Variants in REPS1 observed in about 807,000 individuals in gnomAD.
REPS1 encodes RALBP1 associated Eps domain containing 1.
Under a neutral mutation model 100.9 loss-of-function variants are expected in REPS1, and 39 were observed. The observed-to-expected ratio is 0.39, with a 90% CI of 0.30 to 0.50. The LOEUF is 0.50. REPS1 is among the 20% of genes least tolerant of loss of function. The pLI is 0.86. For synonymous variants in REPS1, 324 were observed against 340.3 expected (o/e 0.95, Z 0.53); for missense variants, 821 against 968.5 (o/e 0.85, Z 2.02).
chr6:138,904,755 C>A lies in REPS1; in HGVS notation c.*309G>T. Reference sequence around the variant, plus strand: ...TGTGACTGAGATGTAAATGAGGAGCCCATTCTATAAATTAAATTGGTGTGT... The same window carrying A: ...TGTGACTGAGATGTAAATGAGGAGCACATTCTATAAATTAAATTGGTGTGT... On this transcript the variant is annotated 3_prime_UTR_variant, in exon 20 of 20. Coordinates refer to ENST00000450536, the MANE Select transcript of REPS1 (RefSeq NM_001286611.2). The A allele has an allele frequency of 5.0e-6, 1 of 200,592 alleles. No individual in the cohort carries two copies. The allele number at this position is 200,592 out of a possible 1,614,324, so 12.4% of individuals were successfully genotyped here.
At chr6:138,947,035 GCTCTCTCTCTCTCTCT>G (rs10581264) in intron 2 of REPS1, among the ~76,000 whole-genome samples, 7 of 137,716 alleles carry the variant, frequency 5.1e-5, no homozygotes, top group South Asian at 2.6e-4. Flanking sequence ...ATTCCCCCTT[GCTCTCTCTCTCTCTCT>G]CTCTCTCTCT....
At chr6:138,971,602 G>A (rs757200362) in intron 1 of REPS1, among the ~76,000 whole-genome samples, 44 of 152,130 alleles carry the variant, frequency 2.9e-4, no homozygotes, top group Non-Finnish European at 6.2e-4. Flanking sequence ...AAAAAAAGTG[G>A]GGGTAGGTAA....
chr6:138,980,150 C>T (rs939771244), intron 1 of REPS1, among the ~76,000 whole-genome samples: 30 of 152,140 alleles, frequency 2.0e-4, no homozygotes, highest in Non-Finnish European at 5.9e-5. Flanking sequence ...TTTATGCCTT[C>T]GTATTTCTAC....
intron 7 of REPS1, among the ~76,000 whole-genome samples, chr6:138,941,907 C>T (rs1782280228): frequency 6.6e-6 from 1 of 152,146 alleles, no homozygotes; most frequent in African/African-American, 2.4e-5. Context: ...GAGATGGAAT[C>T]TCGCTCTGTC....
intron 8 of REPS1, among the ~76,000 whole-genome samples, chr6:138,940,297 T>C (rs1271759549): frequency 6.6e-6 from 1 of 152,236 alleles, no homozygotes; most frequent in Admixed American, 6.5e-5. Context: ...ATTCTTTCCA[T>C]CATCATATAC....
chr6:138,960,597 T>C (rs1222073939), intron 1 of REPS1, among the ~76,000 whole-genome samples: 3 of 152,198 alleles, frequency 2.0e-5, no homozygotes, highest in Non-Finnish European at 4.4e-5. Context: ...GCCTTTGTAT[T>C]CAATTTATTG....
intron 8 of REPS1, among the ~76,000 whole-genome samples, chr6:138,940,395 AT>A (rs1188700991): frequency 3.3e-5 from 5 of 152,310 alleles, no homozygotes; most frequent in African/African-American, 1.2e-4. Flanking sequence ...CCTTTTATTC[AT>A]TCAGAATTTA....
chr6:138,912,174 C>G (rs1251081733), intron 16 of REPS1, among the ~76,000 whole-genome samples: 1 of 152,190 alleles, frequency 6.6e-6, no homozygotes, highest in Non-Finnish European at 1.5e-5. Flanking sequence ...CACATTTATG[C>G]TCAGCAATTT....
rs566939233 is a variant in REPS1, at chr6:138,914,997, T to A, written c.1721-236A>T. On this transcript the variant is annotated intron_variant, in intron 14 of 19. Transcript: ENST00000450536. The stretch of plus-strand genomic sequence containing the variant: ...TCTATTACATGAAGCCCTCCTGGCA[T>A]ACTCCTGCCTATTCCCATAATAGCA... 85 of 484,338 alleles carry A rather than the reference T, an allele frequency of 1.8e-4. 2 individuals carry two copies. The South Asian group carries it at 2.1e-3, about 12-fold the overall frequency. 30.0% of individuals were successfully genotyped at this position (484,338 alleles called of 1,614,324 possible). A position where few individuals can be genotyped will look rare whatever the true frequency, so the allele number is the denominator to read the frequency against.
In REPS1 at chr6:138,947,316, C is replaced by T. The variant is rs143579367; in HGVS notation, c.277+474G>A. ...TATTTTAATATTGTCTCTTATCGATCAAAAAGTTTAGGTTAACTGTTACTT... is the reference window on the plus strand; with the variant it reads ...TATTTTAATATTGTCTCTTATCGATTAAAAAGTTTAGGTTAACTGTTACTT... On this transcript the variant is annotated intron_variant, in intron 2 of 19. Transcript: ENST00000450536. Among the ~76,000 whole-genome samples the T allele has an allele frequency of 8.4e-4, 128 of 152,260 alleles. 1 individual carries two copies. Among genetic ancestry groups the T allele is most frequent in the African/African-American group, 3.0e-3 (123 of 41,542 alleles).
At chr6:138,905,446 C>T (rs1031762209) in intron 19 of REPS1, among the ~76,000 whole-genome samples, 2 of 147,716 alleles carry the variant, frequency 1.4e-5, no homozygotes, top group African/African-American at 2.5e-5. Flanking sequence ...CGCCCGCCAC[C>T]GCGCCCGGCT....
At chr6:138,917,518 AT>A in intron 13 of REPS1, 36 bp downstream of exon 13, 1 of 1,458,582 alleles carries the variant, frequency 6.9e-7, no homozygotes, top group Non-Finnish European at 9.6e-7. Context: ...ACGCAGCAAG[AT>A]AGTTTAACAT....
intron 2 of REPS1, among the ~76,000 whole-genome samples, chr6:138,947,490 T>A (rs1467999955): frequency 2.0e-5 from 3 of 152,216 alleles, no homozygotes; most frequent in African/African-American, 7.2e-5. Context: ...TTAATAAAAC[T>A]ATTCGCCTAA....
intron 13 of REPS1, chr6:138,916,216 TTC>T: frequency 4.1e-5 from 14 of 341,746 alleles, no homozygotes; most frequent in South Asian, 6.6e-5. Context: ...ATTTCTTTTT[TTC>T]TTTTTTTTTT....
chr6:138,983,347 C>G (rs1785061635), intron 1 of REPS1, among the ~76,000 whole-genome samples: 1 of 151,982 alleles, frequency 6.6e-6, no homozygotes, highest in Non-Finnish European at 1.5e-5. Flanking sequence ...CCCAGCTACC[C>G]AGGAGGCTGA....
intron 10 of REPS1, among the ~76,000 whole-genome samples, chr6:138,925,270 G>C (rs1258070240): frequency 1.3e-5 from 2 of 152,036 alleles, no homozygotes; most frequent in Non-Finnish European, 1.5e-5. Context: ...GGGAGGCTAA[G>C]GTAGGAGAAT....
chr6:138,941,357 C>G lies in REPS1; in HGVS notation c.1113G>C (p.Leu371=). 6.2e-7 allele frequency: 1 copy of G among 1,614,002 alleles called. No individual in the cohort carries two copies. Among genetic ancestry groups the G allele is most frequent in the South Asian group, 1.1e-5 (1 of 91,042 alleles). The part of the protein sequence containing the change: ...EKLPESLMPK[L]IDLEDSADVG... The stretch of plus-strand genomic sequence containing the variant: ...TACCTGCTGAATCTTCCAAATCAAT[C>G]AGTTTGGGCATTAAGCTTTCAGGAA... The change falls in exon 8 of 20, where the codon CTG becomes CTC. Residue 371 remains leucine (L), a synonymous_variant. Transcript: ENST00000450536.
chr6:138,930,371 A>G (rs1394893393), intron 8 of REPS1, among the ~76,000 whole-genome samples: 5 of 152,208 alleles, frequency 3.3e-5, no homozygotes, highest in African/African-American at 1.2e-4. Flanking sequence ...AATAGGTCAC[A>G]TGCTTTAAAA....
intron 1 of REPS1, among the ~76,000 whole-genome samples, chr6:138,955,376 A>T (rs972494617): frequency 2.7e-5 from 4 of 150,606 alleles, no homozygotes; most frequent in Non-Finnish European, 4.4e-5. Flanking sequence ...TGAGCCCAGG[A>T]GCTCCAGACT....
Sources: gnomAD v4.1 joint callset for allele counts (sites outside exome capture counted in the v4.1 genomes callset) on GRCh38, gnomAD v4.1.1 for gene constraint, MANE v1.5 for transcripts, NCBI Gene and HGNC (gene_info 2026-07-23, HGNC 2026-07-21) for gene names.